KCNK1: variants seen among roughly 807,000 people sequenced by gnomAD.
KCNK1 encodes potassium channel subfamily K member 1.
In KCNK1, 10 loss-of-function variants were observed where a neutral mutation model predicts 22.2. The observed-to-expected ratio is 0.45, with a 90% CI of 0.28 to 0.76. The LOEUF (loss-of-function observed/expected upper bound fraction) is 0.76. Ranked by LOEUF, KCNK1 falls within the 30% of genes least tolerant of loss-of-function variation. The pLI is 0.14. For synonymous variants in KCNK1, 200 were observed against 186.4 expected, an observed-to-expected ratio of 1.07 and a Z score of -0.60; for missense variants, 378 against 421.0, an observed-to-expected ratio of 0.90 and a Z score of 0.89.
chr1:233,621,866 G>A (rs1318496275), intron 1 of KCNK1, among the ~76,000 whole-genome samples: 1 of 152,180 alleles, frequency 6.6e-6, no homozygotes, highest in African/African-American at 2.4e-5. Flanking sequence ...ATCAAGGACA[G>A]AATCTTTGAT....
chr1:233,660,408 C>T (rs1327905659), intron 1 of KCNK1: 3 of 152,172 alleles, frequency 2.0e-5, no homozygotes, highest in African/African-American at 7.2e-5. Flanking sequence ...ATTATTGCCA[C>T]AGAAACTCTA....
chr1:233,663,034 C>A (rs1203541581), intron 1 of KCNK1, among the ~76,000 whole-genome samples: 1 of 152,150 alleles, frequency 6.6e-6, no homozygotes, highest in Admixed American at 6.5e-5. Flanking sequence ...GTAAATTATT[C>A]ACGACTTCAT....
chr1:233,652,405 C>T (rs1441079820), intron 1 of KCNK1, among the ~76,000 whole-genome samples: 2 of 152,130 alleles, frequency 1.3e-5, no homozygotes, highest in Non-Finnish European at 2.9e-5. Context: ...AATCCTGCCC[C>T]CATCATGCAT....
intron 1 of KCNK1, among the ~76,000 whole-genome samples, chr1:233,645,455 CAG>C (rs1354055541): frequency 7.9e-5 from 12 of 152,092 alleles, no homozygotes; most frequent in Admixed American, 7.2e-4. Context: ...GGGGAAGAGA[CAG>C]AGGGGGAAGG....
At chr1:233,618,313 A>G (rs1386581554) in intron 1 of KCNK1, among the ~76,000 whole-genome samples, 1 of 152,160 alleles carries the variant, frequency 6.6e-6, no homozygotes, top group African/African-American at 2.4e-5. Flanking sequence ...GCTTTTCAGA[A>G]AGAAGAGTTG....
intron 1 of KCNK1, among the ~76,000 whole-genome samples, chr1:233,659,347 A>G (rs1302945737): frequency 6.6e-6 from 1 of 151,274 alleles, no homozygotes; most frequent in Non-Finnish European, 1.5e-5. Flanking sequence ...ATTTCCTATG[A>G]TAACAATGCT....
rs183890049 is a variant in KCNK1 at position 233,671,510 on chromosome 1, G to A, written c.991G>A (p.Asp331Asn). ...FVATQSSACV[D>N]GPANH ...GGCCACCCAGTCATCTGCCTGCGTG[G>A]ATGGCCCTGCAAACCATTGAGCGTA... The change falls in exon 3 of 3, where the codon GAT (aspartate) becomes AAT (asparagine). Residue 331 changes from aspartate (D) to asparagine (N), a missense_variant. By Grantham distance (23) the Asp-to-Asn change is conservative. Transcript: ENST00000366621. 2.5e-5 allele frequency: 40 copies of A among 1,614,092 alleles called. No individual in the cohort carries two copies. In the African/African-American group the frequency reaches 4.1e-4, roughly 17 times the overall value.
intron 1 of KCNK1, among the ~76,000 whole-genome samples, chr1:233,625,203 A>T (rs1004823988): frequency 1.3e-5 from 2 of 152,180 alleles, no homozygotes; most frequent in Non-Finnish European, 2.9e-5. Context: ...TCTAAATCTT[A>T]TAAGACCAAG....
chr1:233,627,536 C>T (rs1433732623), intron 1 of KCNK1, among the ~76,000 whole-genome samples: 1 of 151,976 alleles, frequency 6.6e-6, no homozygotes, highest in Non-Finnish European at 1.5e-5. Context: ...CTACCTGCCA[C>T]CCAGTGCTCT....
intron 1 of KCNK1, chr1:233,630,498 T>G (rs1193263574): frequency 1.3e-5 from 2 of 152,204 alleles, no homozygotes; most frequent in Admixed American, 6.5e-5. Flanking sequence ...TATTTTCATT[T>G]TTGCTCTAGG....
At chr1:233,636,893 G>A (rs769848253) in intron 1 of KCNK1, among the ~76,000 whole-genome samples, 1 of 152,064 alleles carries the variant, frequency 6.6e-6, no homozygotes, top group African/African-American at 2.4e-5. Flanking sequence ...ATCAAGAGAT[G>A]GTGTTTAAGA....
At position 233,659,927 on chromosome 1, in the gene KCNK1, A is replaced by C. The variant is rs79009711; in HGVS notation, c.356-6668A>C. Among the ~76,000 whole-genome samples, 21 of 152,360 alleles carry C rather than the reference A, an allele frequency of 1.4e-4. No homozygotes were observed. In the East Asian group the frequency reaches 3.9e-3, roughly 28 times the overall value. ...TAGGAAAAGGAAGCTACATCAGGGCAAGGGGCTGGTTCTCACCTGGAAGAC... is the reference window on the plus strand; with the variant it reads ...TAGGAAAAGGAAGCTACATCAGGGCCAGGGGCTGGTTCTCACCTGGAAGAC... On this transcript the variant is annotated intron_variant, in intron 1 of 2. Transcript: ENST00000366621.
chr1:233,668,727 T>C (rs1658542631), intron 2 of KCNK1, among the ~76,000 whole-genome samples: 1 of 152,084 alleles, frequency 6.6e-6, no homozygotes, highest in South Asian at 2.1e-4. Flanking sequence ...TGCCTCAGCC[T>C]CCCAAATAGC....
At chr1:233,648,994 C>A (rs1213074075) in intron 1 of KCNK1, among the ~76,000 whole-genome samples, 1 of 152,072 alleles carries the variant, frequency 6.6e-6, no homozygotes, top group African/African-American at 2.4e-5. Flanking sequence ...CTTGGAAGAC[C>A]CCACTCAGGG....
At chr1:233,653,546 C>T (rs1392763867) in intron 1 of KCNK1, among the ~76,000 whole-genome samples, 1 of 152,170 alleles carries the variant, frequency 6.6e-6, no homozygotes, top group African/African-American at 2.4e-5. Context: ...GATCCATCCT[C>T]ACCAAGGTGG....
intron 1 of KCNK1, among the ~76,000 whole-genome samples, chr1:233,625,316 T>C (rs1194686474): frequency 6.6e-6 from 1 of 152,212 alleles, no homozygotes; most frequent in Non-Finnish European, 1.5e-5. Context: ...ATGGGGATTC[T>C]TATGACCTAC....
At chr1:233,632,527 T>C (rs1185295209) in intron 1 of KCNK1, among the ~76,000 whole-genome samples, 1 of 152,208 alleles carries the variant, frequency 6.6e-6, no homozygotes, top group African/African-American at 2.4e-5. Context: ...CAGGATTCAA[T>C]GTAGATGCTG....
At chr1:233,625,832 C>T (rs1327286776) in intron 1 of KCNK1, among the ~76,000 whole-genome samples, 1 of 152,074 alleles carries the variant, frequency 6.6e-6, no homozygotes, top group Non-Finnish European at 1.5e-5. Context: ...TGTTCCAGAA[C>T]AAAGGCACCT....
chr1:233,615,629 G>A (rs1032922330), intron 1 of KCNK1, among the ~76,000 whole-genome samples: 3 of 152,040 alleles, frequency 2.0e-5, no homozygotes, highest in South Asian at 2.1e-4. Flanking sequence ...CTGGAACCTG[G>A]GCCTTGTGAT....
Sources: allele counts gnomAD v4.1 joint callset (sites outside exome capture counted in the v4.1 genomes callset), GRCh38; gene constraint gnomAD v4.1.1; transcripts MANE v1.5; gene names NCBI Gene and HGNC (gene_info 2026-07-23, HGNC 2026-07-21).